The following CHRNA3 variants were observed in gnomAD, a reference collection of about 807,000 sequenced individuals.
The protein encoded by CHRNA3 is cholinergic receptor nicotinic alpha 3 subunit, also known as neuronal acetylcholine receptor subunit alpha-3.
CHRNA3 carries 34 observed loss-of-function variants against 41.9 expected under a neutral mutation model. The observed-to-expected ratio is 0.81, with a 90% CI of 0.62 to 1.08. CHRNA3 has a LOEUF of 1.08. Among genes scored for constraint, CHRNA3 ranks in the 50% least tolerant of loss-of-function variants. The pLI is 0.00. For synonymous variants in CHRNA3, 281 were observed against 265.2 expected, an observed-to-expected ratio of 1.06 and a Z score of -0.58; for missense variants, 542 against 638.3, an observed-to-expected ratio of 0.85 and a Z score of 1.63.
chr15:78,618,598 C>T lies in CHRNA3; in HGVS notation c.267+19G>A. 1 of 1,614,016 alleles carries T rather than the reference C, an allele frequency of 6.2e-7. No homozygotes were observed. Among genetic ancestry groups the T allele is most frequent in the South Asian group, 1.1e-5 (1 of 91,070 alleles). On this transcript the variant is annotated intron_variant, in intron 3 of 5. Coordinates refer to ENST00000326828, the MANE Select transcript of CHRNA3 (RefSeq NM_000743.5). ...AGTCACCACCAGGGGGCAGCAGTGC[C>T]TAGGGTCTGGTCACTTACTTGCTTG...
rs538465514 is a variant in CHRNA3, at chr15:78,595,365, C to G, written c.*1239G>C. 1.1e-6 allele frequency: 1 copy of G among 909,438 alleles called. No homozygotes were observed. The allele number at this position is 909,438 out of a possible 1,614,324, so 56.3% of individuals were successfully genotyped here. ...AAAAACTAGTGAGACAAGATTCAAA[C>G]AGTCTCTGTGAATCATCTGTCAGTG... is the stretch of plus-strand genomic sequence containing the variant. On this transcript the variant is annotated 3_prime_UTR_variant, in exon 6 of 6. Transcript: ENST00000326828.
At chr15:78,594,173 A>C (rs1213377136), downstream of CHRNA3, 1 of 152,230 alleles carries the variant, frequency 6.6e-6, no homozygotes, top group Non-Finnish European at 1.5e-5. Flanking sequence ...TATTGTGTTA[A>C]CTATTTCTGT....
chr15:78,617,014 A>G lies in CHRNA3; in HGVS notation c.377+10T>C, dbSNP rs763212929. 6.2e-7 allele frequency: 1 copy of G among 1,602,268 alleles called. No individual in the cohort carries two copies. The highest frequency in any genetic ancestry group is 1.7e-5 in the Admixed American group (1 of 59,798). ...AGCCCTGAGAGGGCGTGGGCCCCCC[A>G]GCACCTTACTTGTTATACAGCACAA... is the stretch of plus-strand genomic sequence containing the variant. On this transcript the variant is annotated intron_variant, in intron 4 of 5. Transcript: ENST00000326828.
Position 78,618,888 on chromosome 15 carries a change from C to T in CHRNA3, c.110G>A (p.Arg37His), listed in dbSNP as rs8192475. The T allele has an allele frequency of 0.043, 70,145 of 1,613,684 alleles. 1,825 individuals are homozygous for T. Among genetic ancestry groups the T allele is most frequent in the Non-Finnish European group, 0.053 (62,228 of 1,179,938 alleles). The part of the protein sequence containing the change: ...PVARASEAEH[R>H]LFERLFEDYN... ...ATCTTCAAACAGCCGCTCAAATAGA[C>T]GGTGCTCAGCCTCTGAGGCCCTGGC... Residue 37 changes from arginine (R) to histidine (H), a missense_variant, in exon 2 of 6, where the codon CGT becomes CAT. Physicochemically the swap from Arg to His is conservative, Grantham distance 29. Coordinates refer to ENST00000326828, the MANE Select transcript of CHRNA3 (RefSeq NM_000743.5).
In CHRNA3 at chr15:78,596,447, T is replaced by C. The variant is rs1403705001; in HGVS notation, c.*157A>G. ...GTAATAAATACTCTTGACATTTTTT[T>C]TTTTGCATGATTCCAAGATAAGTGG... On this transcript the variant is annotated 3_prime_UTR_variant, in exon 6 of 6. Transcript: ENST00000326828. The C allele has an allele frequency of 7.7e-7, 1 of 1,306,372 alleles. No individual in the cohort carries two copies. Among genetic ancestry groups the C allele is most frequent in the Admixed American group, 3.7e-5 (1 of 26,856 alleles). 80.9% of individuals were successfully genotyped at this position (1,306,372 alleles called of 1,614,324 possible). A position where few individuals can be genotyped will look rare whatever the true frequency, so the allele number is the denominator to read the frequency against.
chr15:78,615,755 T>C (rs1448213623), intron 4 of CHRNA3, among the ~76,000 whole-genome samples: 1 of 148,910 alleles, frequency 6.7e-6, no homozygotes, highest in Admixed American at 6.7e-5. Context: ...TTTTTTTTTT[T>C]TTTTTTGAGA....
downstream of CHRNA3, chr15:78,593,295 T>C (rs1320922343): frequency 6.6e-7 from 1 of 1,521,408 alleles, no homozygotes; most frequent in African/African-American, 1.4e-5. Flanking sequence ...TTAACACACA[T>C]ATATCTGATG....
At chr15:78,608,555 C>G (rs1315009466) in intron 4 of CHRNA3, among the ~76,000 whole-genome samples, 2 of 152,240 alleles carry the variant, frequency 1.3e-5, no homozygotes, top group South Asian at 2.1e-4. Flanking sequence ...AAACAGAAAG[C>G]ATATCCACAC....
Position 78,604,342 on chromosome 15 carries a change from C to T in CHRNA3, c.378-2078G>A, listed in dbSNP as rs572604743. Among the ~76,000 whole-genome samples the T allele has an allele frequency of 3.3e-5, 5 of 152,274 alleles. No individual in the cohort carries two copies. The East Asian group carries it at 7.7e-4, about 24-fold the overall frequency. On this transcript the variant is annotated intron_variant, in intron 4 of 5. Transcript: ENST00000326828. Reference sequence around the variant, plus strand: ...TTCATTTTGCCAAAGAGAAAACTGACGGTCAAAGGACAGGAATGACTTGCT... The same window carrying T: ...TTCATTTTGCCAAAGAGAAAACTGATGGTCAAAGGACAGGAATGACTTGCT...
Position 78,613,819 on chromosome 15 carries a change from G to A in CHRNA3, c.377+3205C>T, listed in dbSNP as rs188467750. 1.9e-3 allele frequency among the ~76,000 whole-genome samples: 289 copies of A among 151,448 alleles called. 6 individuals are homozygous for A. The East Asian group carries it at 0.051, about 27-fold the overall frequency. Reference sequence around the variant, plus strand: ...AAATTAGCCAGGCGTGGTGGCGGGCGCCTGTAGTCCCAGCTACTTGGGAGG... The same window carrying A: ...AAATTAGCCAGGCGTGGTGGCGGGCACCTGTAGTCCCAGCTACTTGGGAGG... On this transcript the variant is annotated intron_variant, in intron 4 of 5. Transcript: ENST00000326828.
At chr15:78,607,805 G>A (rs1235373252) in intron 4 of CHRNA3, among the ~76,000 whole-genome samples, 1 of 152,236 alleles carries the variant, frequency 6.6e-6, no homozygotes, top group Non-Finnish European at 1.5e-5. Context: ...GGGTCAGGGA[G>A]TTCCCTTTCC....
chr15:78,609,974 CAAAG>C lies in CHRNA3; in HGVS notation c.377+7046_377+7049del, dbSNP rs1295417896. Among the ~76,000 whole-genome samples, 11 of 152,186 alleles carry C rather than the reference CAAAG, an allele frequency of 7.2e-5. No individual in the cohort carries two copies. The East Asian group carries it at 1.3e-3, about 19-fold the overall frequency. On this transcript the variant is annotated intron_variant, in intron 4 of 5. Transcript: ENST00000326828. ...TTAAACCAACAAAGATCAAAAGAGA[CAAAG>C]AAGGCCATTACATAATGGTAAAGGG...
In CHRNA3 at chr15:78,601,334, A is replaced by C; in HGVS notation, c.1308T>G (p.Ala436=). ...TGGCTTCTTTGATTTCTGGTGACAA[A>C]GCAGAGAGGGACAGCACAGCATCAA... ...ESVDAVLSLS[A]LSPEIKEAIQ... Residue 436 remains alanine, a synonymous_variant, in exon 5 of 6, where the codon GCT becomes GCG. Coordinates refer to ENST00000326828, the MANE Select transcript of CHRNA3 (RefSeq NM_000743.5). The C allele has an allele frequency of 6.2e-7, 1 of 1,614,200 alleles. No individual in the cohort carries two copies.
chr15:78,597,290 A>G (rs2053128255), intron 5 of CHRNA3, among the ~76,000 whole-genome samples: 1 of 152,072 alleles, frequency 6.6e-6, no homozygotes, highest in South Asian at 2.1e-4. Flanking sequence ...ATTGGCCAGG[A>G]GTGGTGGCAC....
rs200161807 is a variant in CHRNA3 at position 78,602,155 on chromosome 15, C to T, written c.487G>A (p.Val163Met). The change falls in exon 5 of 6, where the codon GTG (valine) becomes ATG (methionine). Residue 163 changes from valine to methionine, a missense_variant. Val to Met is a conservative substitution (Grantham distance 21). Transcript: ENST00000326828. ...TGGTAATCAAACGGGAAGTAGGTCA[C>T]GTCGATTTTACAGGAGCTCTTAAAG... ...AIFKSSCKID[V>M]TYFPFDYQNC... The T allele has an allele frequency of 1.9e-6, 3 of 1,614,106 alleles. No individual in the cohort carries two copies. Among genetic ancestry groups the T allele is most frequent in the East Asian group, 2.2e-5 (1 of 44,870 alleles).
rs200062857 is a variant in CHRNA3 at position 78,618,737 on chromosome 15, C to T, written c.222+39G>A. On this transcript the variant is annotated intron_variant, in intron 2 of 5. Coordinates refer to ENST00000326828, the MANE Select transcript of CHRNA3 (RefSeq NM_000743.5). The stretch of plus-strand genomic sequence containing the variant: ...CTGGGAAAGGCTCCTCCAGAAGCCC[C>T]GGTCCCCATGGCCACGGCTCGTGGC... The T allele has an allele frequency of 8.1e-5, 130 of 1,614,158 alleles. No homozygotes were observed. In the East Asian group the frequency reaches 2.0e-3, roughly 25 times the overall value.
At chr15:78,593,951 A>C (rs1354007137), downstream of CHRNA3, 2 of 152,358 alleles carry the variant, frequency 1.3e-5, no homozygotes, top group Admixed American at 1.3e-4. Context: ...CGGCAGGAGA[A>C]TCGCTTGAAC....
chr15:78,618,876 C>T lies in CHRNA3; in HGVS notation c.122G>A (p.Arg41Gln), dbSNP rs776209615. 2.5e-6 allele frequency: 4 copies of T among 1,613,986 alleles called. No individual in the cohort carries two copies. The highest frequency in any genetic ancestry group is 4.5e-5 in the East Asian group (2 of 44,876). ...GATCTCATTGTAATCTTCAAACAGC[C>T]GCTCAAATAGACGGTGCTCAGCCTC... ...ASEAEHRLFE[R>Q]LFEDYNEIIR... Residue 41 changes from arginine to glutamine, a missense_variant, in exon 2 of 6, where the codon CGG becomes CAG. Arg to Gln is a conservative substitution (Grantham distance 43). Transcript: ENST00000326828.
intron 4 of CHRNA3, among the ~76,000 whole-genome samples, chr15:78,605,409 G>A (rs181349226): frequency 3.9e-5 from 6 of 152,256 alleles, no homozygotes; most frequent in East Asian, 1.9e-4. Context: ...GATTAGCTGC[G>A]GGGTAGAGGC....
Sources: allele counts gnomAD v4.1 joint callset (sites outside exome capture counted in the v4.1 genomes callset), GRCh38; gene constraint gnomAD v4.1.1; transcripts MANE v1.5; gene names NCBI Gene and HGNC (gene_info 2026-07-23, HGNC 2026-07-21).